The following XPO4 variants were observed in gnomAD, a reference collection of about 807,000 sequenced individuals.
XPO4 encodes the protein exportin 4, also known as exportin-4.
In XPO4, 39 loss-of-function variants were observed where a neutral mutation model predicts 143.0. The observed-to-expected ratio is 0.27, with a 90% CI of 0.21 to 0.36. XPO4 has a LOEUF of 0.36. Ranked by LOEUF, XPO4 falls within the 10% of genes least tolerant of loss-of-function variation. The pLI, the probability that XPO4 is intolerant of heterozygous loss-of-function variation, is 1.00. For synonymous variants in XPO4, 439 were observed against 474.0 expected (o/e 0.93, Z 0.96); for missense variants, 907 against 1,348.0 (o/e 0.67, Z 5.12).
intron 18 of XPO4, among the ~76,000 whole-genome samples, chr13:20,791,778 A>T (rs191477636): frequency 1.1e-4 from 16 of 152,276 alleles, no homozygotes; most frequent in Admixed American, 9.8e-4. Context: ...TATATTTACA[A>T]TTTTTTTCTA....
intron 1 of XPO4, among the ~76,000 whole-genome samples, chr13:20,889,916 A>T (rs1174782444): frequency 2.0e-5 from 3 of 152,202 alleles, no homozygotes; most frequent in Non-Finnish European, 1.5e-5. Context: ...TAAAAATGAA[A>T]ATGATTTATA....
intron 9 of XPO4, among the ~76,000 whole-genome samples, chr13:20,817,345 C>T (rs890665157): frequency 1.3e-4 from 20 of 152,204 alleles, no homozygotes; most frequent in African/African-American, 4.8e-4. Flanking sequence ...CCTCTAAATA[C>T]ACTCACTCAC....
rs1276014147 is a variant in XPO4 at position 20,806,361 on chromosome 13, A to G, written c.1817+1096T>C. ...TATTGCATGTTTAAATGATATCCAT[A>G]TATTTTTGCATACTAAAAAGAATGA... On this transcript the variant is annotated intron_variant, in intron 13 of 22. Transcript: ENST00000255305. Among the ~76,000 whole-genome samples the G allele has an allele frequency of 2.6e-5, 4 of 152,104 alleles. No individual in the cohort carries two copies. The East Asian group carries it at 5.8e-4, about 22-fold the overall frequency.
At chr13:20,879,892 TA>T (rs1566623445) in intron 1 of XPO4, among the ~76,000 whole-genome samples, 4 of 151,838 alleles carry the variant, frequency 2.6e-5, no homozygotes, top group African/African-American at 7.3e-5. Flanking sequence ...ATAACCTGAT[TA>T]AAAAATACAA....
At chr13:20,796,650 G>A (rs1008271168) in intron 17 of XPO4, 114 bp downstream of exon 17, 2 of 850,104 alleles carry the variant, frequency 2.4e-6, no homozygotes, top group African/African-American at 1.8e-5. Context: ...ATCTTTTGAA[G>A]GAATAAAAAT....
intron 6 of XPO4, among the ~76,000 whole-genome samples, chr13:20,835,549 A>C (rs892188769): frequency 1.3e-5 from 2 of 152,142 alleles, no homozygotes; most frequent in Admixed American, 1.3e-4. Context: ...CCACAATATC[A>C]CATTTTCTTT....
At chr13:20,794,012 A>G (rs2059321915) in intron 18 of XPO4, among the ~76,000 whole-genome samples, 1 of 152,222 alleles carries the variant, frequency 6.6e-6, no homozygotes, top group Non-Finnish European at 1.5e-5. Flanking sequence ...GGAAGATTCT[A>G]AAAACTGGCC....
Position 20,777,864 on chromosome 13 carries a change from C to T in XPO4, c.*5858G>A, listed in dbSNP as rs1156798568. The T allele has an allele frequency of 1.3e-5, 2 of 152,140 alleles. No homozygotes were observed. The highest frequency in any genetic ancestry group is 4.8e-5 in the African/African-American group (2 of 41,422). 9.4% of individuals were successfully genotyped at this position (152,140 alleles called of 1,614,324 possible). A position where few individuals can be genotyped will look rare whatever the true frequency, so the allele number is the denominator to read the frequency against. ...GGTTGAATTATACGCCAGACTGAGA[C>T]AGGATGCTGCTGGGGGTGCTGTATG... is the stretch of plus-strand genomic sequence containing the variant. On this transcript the variant is annotated 3_prime_UTR_variant, in exon 23 of 23. Transcript: ENST00000255305.
chr13:20,816,943 G>A (rs1478082418), intron 9 of XPO4, among the ~76,000 whole-genome samples: 1 of 152,190 alleles, frequency 6.6e-6, no homozygotes, highest in African/African-American at 2.4e-5. Context: ...AAATACTCAT[G>A]GATTTAATTC....
chr13:20,885,443 C>T (rs991544375), intron 1 of XPO4, among the ~76,000 whole-genome samples: 1 of 151,274 alleles, frequency 6.6e-6, no homozygotes, highest in African/African-American at 2.4e-5. Context: ...TAAAAGAAGG[C>T]AAGAAAGAAA....
chr13:20,877,412 AG>A (rs2060363618), intron 1 of XPO4, among the ~76,000 whole-genome samples: 1 of 152,230 alleles, frequency 6.6e-6, no homozygotes, highest in South Asian at 2.1e-4. Context: ...GCAAAGTTTC[AG>A]GTGGGATTCC....
intron 1 of XPO4, chr13:20,902,222 G>A (rs952067911): frequency 1.0e-6 from 1 of 985,172 alleles, no homozygotes. Flanking sequence ...GAATGCACAG[G>A]AAACAAGGGT....
intron 1 of XPO4, among the ~76,000 whole-genome samples, chr13:20,886,087 G>C (rs540873289): frequency 1.5e-4 from 23 of 152,224 alleles, no homozygotes; most frequent in African/African-American, 5.3e-4. Flanking sequence ...TGATTTAATA[G>C]CATAAATACA....
chr13:20,902,685 C>G lies in XPO4; in HGVS notation c.54G>C (p.Ala18=), dbSNP rs1233722437. ...GCGTCCTCACCATCAGAACTTTAGC[C>G]GCGTTCTCCAGCTGAGCGATCACTT... The part of the protein sequence containing the change: ...PPEVIAQLEN[A]AKVLMAPPSM... Residue 18 remains alanine (A), a synonymous_variant, in exon 1 of 23, where the codon GCG becomes GCC. Coordinates refer to ENST00000255305, the MANE Select transcript of XPO4 (RefSeq NM_022459.5). 22 of 1,580,098 alleles carry G rather than the reference C, an allele frequency of 1.4e-5. No homozygotes were observed. The highest frequency in any genetic ancestry group is 1.7e-5 in the Non-Finnish European group (20 of 1,163,552).
intron 3 of XPO4, among the ~76,000 whole-genome samples, chr13:20,858,880 CA>C (rs1265585207): frequency 7.4e-4 from 105 of 141,602 alleles, no homozygotes; most frequent in African/African-American, 2.7e-3. Flanking sequence ...CAAGAAAAAA[CA>C]AAAAAAGAAA....
At chr13:20,851,127 C>A (rs1358258614) in intron 4 of XPO4, 37 of 985,174 alleles carry the variant, frequency 3.8e-5, no homozygotes, top group Non-Finnish European at 4.5e-5. Context: ...TAAGTAAATT[C>A]TTGAACCACT....
intron 1 of XPO4, among the ~76,000 whole-genome samples, chr13:20,900,954 A>T (rs1227240494): frequency 6.6e-6 from 1 of 151,800 alleles, no homozygotes; most frequent in Non-Finnish European, 1.5e-5. Context: ...TTTCAATACT[A>T]CTCTCCTCTG....
Position 20,857,544 on chromosome 13 carries a change from G to A in XPO4, c.318-1779C>T, listed in dbSNP as rs550865850. ...AGATAGAGACCATCCTGGCTAACAC[G>A]GTGAAACCCCGTCTCTACTAAAAAA... On this transcript the variant is annotated intron_variant, in intron 3 of 22. Coordinates refer to ENST00000255305, the MANE Select transcript of XPO4 (RefSeq NM_022459.5). 7.9e-5 allele frequency among the ~76,000 whole-genome samples: 12 copies of A among 151,896 alleles called. No homozygotes were observed. In the East Asian group the frequency reaches 1.2e-3, roughly 15 times the overall value.
In XPO4 at chr13:20,897,135, C is replaced by T. The variant is rs186327506; in HGVS notation, c.69+5535G>A. On this transcript the variant is annotated intron_variant, in intron 1 of 22. Transcript: ENST00000255305. ...CCACCGCAGGTACTACAAGACAGGG[C>T]TGAAATAAACAAAAATGCATACTTA... Among the ~76,000 whole-genome samples the T allele has an allele frequency of 9.2e-5, 14 of 152,078 alleles. No homozygotes were observed. The East Asian group carries it at 2.7e-3, about 29-fold the overall frequency.
Sources: gnomAD v4.1 joint callset for allele counts (sites outside exome capture counted in the v4.1 genomes callset) on GRCh38, gnomAD v4.1.1 for gene constraint, MANE v1.5 for transcripts, NCBI Gene and HGNC (gene_info 2026-07-23, HGNC 2026-07-21) for gene names.